The following KLHL1 variants were observed in gnomAD, a reference collection of about 807,000 sequenced individuals.
KLHL1 encodes the protein kelch-like protein 1.
Under a neutral mutation model 77.7 loss-of-function variants are expected in KLHL1, and 47 were observed. The ratio of observed to expected loss-of-function variants is 0.60; its 90% CI spans 0.48 to 0.77. The LOEUF (loss-of-function observed/expected upper bound fraction) is 0.77, where lower values mean the gene tolerates loss of function less well. KLHL1 is among the 30% of genes least tolerant of loss of function. The pLI, the probability that KLHL1 is intolerant of heterozygous loss-of-function variation, is 0.00. For missense variants in KLHL1, 925 were observed against 910.8 expected, an observed-to-expected ratio of 1.02 and a Z score of -0.20; for synonymous variants, 360 against 325.2, an observed-to-expected ratio of 1.11 and a Z score of -1.15.
chr13:69,885,352 T>C (rs1332652142), intron 4 of KLHL1, among the ~76,000 whole-genome samples: 1 of 152,220 alleles, frequency 6.6e-6, no homozygotes, highest in East Asian at 1.9e-4. Flanking sequence ...TACAAACTGC[T>C]ATAAGGAAAT....
intron 1 of KLHL1, among the ~76,000 whole-genome samples, chr13:70,041,133 T>C (rs112523039): frequency 6.6e-6 from 1 of 152,156 alleles, no homozygotes; most frequent in South Asian, 2.1e-4. Context: ...TTTTAAAAAA[T>C]TTTTTTTATT....
intron 6 of KLHL1, among the ~76,000 whole-genome samples, chr13:69,822,579 G>T (rs959736011): frequency 1.3e-5 from 2 of 152,088 alleles, no homozygotes; most frequent in South Asian, 2.1e-4. Flanking sequence ...GCATTGCAAT[G>T]GTCTCCAGTA....
intron 1 of KLHL1, among the ~76,000 whole-genome samples, chr13:70,022,104 G>A (rs970972294): frequency 2.0e-5 from 3 of 151,908 alleles, no homozygotes; most frequent in Non-Finnish European, 4.4e-5. Context: ...GAGATTTCAA[G>A]TTTTGCCTTT....
chr13:69,744,274 T>C (rs557052993), intron 7 of KLHL1, among the ~76,000 whole-genome samples: 11 of 152,216 alleles, frequency 7.2e-5, no homozygotes, highest in African/African-American at 1.9e-4. Context: ...AAAGTAACAG[T>C]GGAGAAAGTT....
chr13:69,745,616 T>G (rs974655951), intron 7 of KLHL1, among the ~76,000 whole-genome samples: 2 of 151,972 alleles, frequency 1.3e-5, no homozygotes, highest in South Asian at 4.1e-4. Context: ...TACACAAAAG[T>G]CAATCTAGAT....
chr13:69,871,101 T>TTG lies in KLHL1; in HGVS notation c.1227+11181_1227+11182insCA, dbSNP rs1202844279. On this transcript the variant is annotated intron_variant, in intron 5 of 10. Transcript: ENST00000377844. ...CATCCTCTGAAATCTAGGTGGAAGC[T>TTG]GCCAAGCTTCCACCGCTTTTCCATT... Among the ~76,000 whole-genome samples the TTG allele has an allele frequency of 3.3e-5, 5 of 152,212 alleles. No individual in the cohort carries two copies. The East Asian group carries it at 7.8e-4, about 24-fold the overall frequency.
At chr13:70,064,800 C>T (rs767657574) in intron 1 of KLHL1, among the ~76,000 whole-genome samples, 3 of 152,138 alleles carry the variant, frequency 2.0e-5, no homozygotes, top group Non-Finnish European at 4.4e-5. Context: ...GTGAGAGAAA[C>T]TGAATACTAG....
intron 1 of KLHL1, among the ~76,000 whole-genome samples, chr13:70,021,446 AATT>A (rs1265600675): frequency 6.6e-6 from 1 of 152,082 alleles, no homozygotes; most frequent in Non-Finnish European, 1.5e-5. Flanking sequence ...AGGTTTTGGT[AATT>A]ATTAATAAAG....
At chr13:69,875,206 G>C (rs1880721213) in intron 5 of KLHL1, among the ~76,000 whole-genome samples, 1 of 152,000 alleles carries the variant, frequency 6.6e-6, no homozygotes, top group Admixed American at 6.6e-5. Context: ...GAAGTGGATT[G>C]AAGAGAGAAT....
chr13:69,960,728 T>C (rs368338222), intron 3 of KLHL1, among the ~76,000 whole-genome samples: 8 of 152,058 alleles, frequency 5.3e-5, no homozygotes, highest in Admixed American at 6.6e-5. Context: ...TCAACAAATG[T>C]TTGCTATAAT....
chr13:69,996,892 T>A (rs903195327), intron 1 of KLHL1, among the ~76,000 whole-genome samples: 4 of 150,444 alleles, frequency 2.7e-5, no homozygotes, highest in African/African-American at 9.8e-5. Flanking sequence ...TATGAAAAGT[T>A]CTTATTTTAT....
chr13:70,029,158 T>C (rs5000346), intron 1 of KLHL1, among the ~76,000 whole-genome samples: 93,037 of 151,986 alleles, frequency 0.61, 30,249 homozygotes, highest in East Asian at 0.81. Context: ...GGACTGGTAA[T>C]GCACATCCAA....
Position 69,922,585 on chromosome 13 carries a change from A to C in KLHL1, c.1014+17455T>G, listed in dbSNP as rs140530102. ...TAACCTCCTAATTTAAGAAAAGTAA[A>C]TAATAAAATGTTATTTCATTTTCAT... On this transcript the variant is annotated intron_variant, in intron 4 of 10. Transcript: ENST00000377844. Among the ~76,000 whole-genome samples, 1,109 of 152,330 alleles carry C rather than the reference A, an allele frequency of 7.3e-3. 11 individuals are homozygous for C. The highest frequency in any genetic ancestry group is 0.025 in the African/African-American group (1,053 of 41,572).
At chr13:69,834,275 A>G (rs545548263) in intron 6 of KLHL1, among the ~76,000 whole-genome samples, 1 of 151,832 alleles carries the variant, frequency 6.6e-6, no homozygotes, top group Admixed American at 6.6e-5. Context: ...GGGGAGAAAA[A>G]ATGAAATTAC....
intron 7 of KLHL1, among the ~76,000 whole-genome samples, chr13:69,781,123 G>A (rs896890916): frequency 6.6e-6 from 1 of 152,014 alleles, no homozygotes; most frequent in Non-Finnish European, 1.5e-5. Context: ...GAGACAGTCT[G>A]TGTTTGCTTT....
intron 7 of KLHL1, among the ~76,000 whole-genome samples, chr13:69,770,308 C>T (rs536960687): frequency 3.7e-4 from 56 of 152,278 alleles, no homozygotes; most frequent in African/African-American, 6.5e-4. Context: ...CCTGCTGGCC[C>T]GAGTGGGCAG....
chr13:70,024,092 A>G (rs888348542), intron 1 of KLHL1, among the ~76,000 whole-genome samples: 2 of 151,892 alleles, frequency 1.3e-5, no homozygotes, highest in African/African-American at 4.8e-5. Flanking sequence ...TTACGAGATC[A>G]GAGGAGATCG....
At position 70,016,363 on chromosome 13, in the gene KLHL1, C is replaced by G. The variant is rs577376511; in HGVS notation, c.498-40561G>C. 7.2e-5 allele frequency among the ~76,000 whole-genome samples: 11 copies of G among 152,350 alleles called. No individual in the cohort carries two copies. The East Asian group carries it at 2.1e-3, about 29-fold the overall frequency. ...CCCAGGGACATCTGCAGCAGCCCAG[C>G]CCAGACTCTGGACCAGGACGAGGGA... On this transcript the variant is annotated intron_variant, in intron 1 of 10. Transcript: ENST00000377844.
chr13:70,014,293 A>G (rs1885604477), intron 1 of KLHL1, among the ~76,000 whole-genome samples: 1 of 152,110 alleles, frequency 6.6e-6, no homozygotes, highest in East Asian at 1.9e-4. Flanking sequence ...TCACAGTAAG[A>G]AAAGCGAATA....
Sources: gnomAD v4.1 joint callset for allele counts (sites outside exome capture counted in the v4.1 genomes callset) on GRCh38, gnomAD v4.1.1 for gene constraint, MANE v1.5 for transcripts, NCBI Gene and HGNC (gene_info 2026-07-23, HGNC 2026-07-21) for gene names.